The following GRM8 variants were observed in gnomAD, a reference collection of about 807,000 sequenced individuals.
The protein encoded by GRM8 is glutamate metabotropic receptor 8.
A neutral mutation model predicts 87.2 loss-of-function variants in GRM8; 47 were observed. That is an observed-to-expected ratio of 0.54 (90% confidence interval 0.43 to 0.69). The LOEUF is 0.69. Among genes scored for constraint, GRM8 ranks in the 30% least tolerant of loss-of-function variants. The pLI, the probability that GRM8 is intolerant of heterozygous loss-of-function variation, is 0.00. For synonymous variants in GRM8, 396 were observed against 404.5 expected (o/e 0.98, Z 0.25); for missense variants, 1,019 against 1,139.2 (o/e 0.89, Z 1.52).
chr7:126,620,186 G>A (rs1481263404), intron 7 of GRM8, among the ~76,000 whole-genome samples: 1 of 152,158 alleles, frequency 6.6e-6, no homozygotes, highest in Non-Finnish European at 1.5e-5. Context: ...TACTCAGGAG[G>A]CTGGGGTAGA....
intron 8 of GRM8, among the ~76,000 whole-genome samples, chr7:126,606,116 G>A (rs1798317792): frequency 6.6e-6 from 1 of 152,130 alleles, no homozygotes; most frequent in South Asian, 2.1e-4. Flanking sequence ...TGTTTTTTGA[G>A]TGCAGAGGGA....
At chr7:126,934,452 A>G (rs1215035118) in intron 3 of GRM8, among the ~76,000 whole-genome samples, 1 of 152,188 alleles carries the variant, frequency 6.6e-6, no homozygotes, top group Non-Finnish European at 1.5e-5. Flanking sequence ...AATACAAAAA[A>G]ATTGAAAGGC....
In GRM8 at chr7:127,205,563, G is replaced by C. The variant is rs1055613826; in HGVS notation, c.510+37132C>G. On this transcript the variant is annotated intron_variant, in intron 2 of 10. Transcript: ENST00000339582. ...GCCACATCTACAGGGCTACCACCAG[G>C]TCACTGACATAAGAGTCAGCATCTC... is the stretch of plus-strand genomic sequence containing the variant. Among the ~76,000 whole-genome samples, 54 of 152,070 alleles carry C rather than the reference G, an allele frequency of 3.6e-4. 1 individual carries two copies. Among genetic ancestry groups the C allele is most frequent in the African/African-American group, 1.2e-3 (49 of 41,400 alleles).
At chr7:126,652,203 T>C (rs1303742276) in intron 7 of GRM8, among the ~76,000 whole-genome samples, 6 of 152,260 alleles carry the variant, frequency 3.9e-5, no homozygotes, top group African/African-American at 1.4e-4. Context: ...TAAGTATCGT[T>C]AGCTTTATGT....
intron 7 of GRM8, among the ~76,000 whole-genome samples, chr7:126,677,746 A>C (rs1444239258): frequency 1.3e-5 from 2 of 152,228 alleles, no homozygotes; most frequent in Non-Finnish European, 1.5e-5. Context: ...TATTAGGTAC[A>C]ACATATACTA....
At chr7:126,819,441 A>G (rs188874429) in intron 6 of GRM8, among the ~76,000 whole-genome samples, 1 of 152,278 alleles carries the variant, frequency 6.6e-6, no homozygotes, top group African/African-American at 2.4e-5. Flanking sequence ...TGTTGTGTCT[A>G]TTGCCTCTCT....
intron 2 of GRM8, among the ~76,000 whole-genome samples, chr7:127,204,613 T>C (rs1292296687): frequency 6.6e-6 from 1 of 152,216 alleles, no homozygotes; most frequent in African/African-American, 2.4e-5. Context: ...TTCAGTTCTA[T>C]TGAGAAAACC....
intron 9 of GRM8, among the ~76,000 whole-genome samples, chr7:126,449,267 A>G (rs914101499): frequency 6.6e-6 from 1 of 151,814 alleles, no homozygotes; most frequent in African/African-American, 2.4e-5. Context: ...ATCTAAACCA[A>G]TCAATCTTCC....
chr7:126,686,701 TCA>T lies in GRM8; in HGVS notation c.1358-77205_1358-77204del, dbSNP rs1390287598. On this transcript the variant is annotated intron_variant, in intron 7 of 10. Coordinates refer to ENST00000339582, the MANE Select transcript of GRM8 (RefSeq NM_000845.3). ...TCACACTCACCACTCCACGCCTGAC[TCA>T]CAGTCTCCCTTGGAGGCATAGGATC... is the stretch of plus-strand genomic sequence containing the variant. 2.0e-5 allele frequency among the ~76,000 whole-genome samples: 3 copies of T among 152,236 alleles called. No individual in the cohort carries two copies. The East Asian group carries it at 5.8e-4, about 29-fold the overall frequency.
chr7:126,763,549 T>C (rs1817840618), intron 7 of GRM8, among the ~76,000 whole-genome samples: 1 of 150,604 alleles, frequency 6.6e-6, no homozygotes, highest in Non-Finnish European at 1.5e-5. Context: ...TGACTATTTC[T>C]ATTTGGTTTC....
intron 7 of GRM8, among the ~76,000 whole-genome samples, chr7:126,675,761 A>G (rs1028299339): frequency 6.6e-6 from 1 of 152,218 alleles, no homozygotes; most frequent in African/African-American, 2.4e-5. Flanking sequence ...AAAGCCATCT[A>G]TGACAAACCC....
intron 9 of GRM8, among the ~76,000 whole-genome samples, chr7:126,524,422 A>T (rs918568697): frequency 1.3e-5 from 2 of 152,150 alleles, no homozygotes; most frequent in South Asian, 4.1e-4. Context: ...ATGAGATCTG[A>T]TGTTCATTCT....
At chr7:126,930,481 G>C (rs1304644528) in intron 3 of GRM8, among the ~76,000 whole-genome samples, 1 of 152,206 alleles carries the variant, frequency 6.6e-6, no homozygotes, top group African/African-American at 2.4e-5. Flanking sequence ...CCTTCTGACT[G>C]TGATATGTTT....
rs541935811 is a variant in GRM8, at chr7:126,438,924, T to C, written c.*195A>G. The stretch of plus-strand genomic sequence containing the variant: ...TTTAGCTTGACACTCATTGGTTTTA[T>C]TGTATAAAACGGGTTTCTTCACTCC... On this transcript the variant is annotated 3_prime_UTR_variant, in exon 11 of 11. Transcript: ENST00000339582. 1.2e-5 allele frequency: 6 copies of C among 505,388 alleles called. No homozygotes were observed. The highest frequency in any genetic ancestry group is 1.2e-4 in the African/African-American group (6 of 51,798). 31.3% of individuals were successfully genotyped at this position (505,388 alleles called of 1,614,324 possible).
At position 126,932,685 on chromosome 7, in the gene GRM8, T is replaced by C. The variant is rs181201008; in HGVS notation, c.728-28002A>G. 5.3e-5 allele frequency among the ~76,000 whole-genome samples: 8 copies of C among 152,332 alleles called. No homozygotes were observed. In the East Asian group the frequency reaches 1.5e-3, roughly 29 times the overall value. On this transcript the variant is annotated intron_variant, in intron 3 of 10. Coordinates refer to ENST00000339582, the MANE Select transcript of GRM8 (RefSeq NM_000845.3). The stretch of plus-strand genomic sequence containing the variant: ...GTTTAATGAAATGAGTTAAGCACTT[T>C]CTTCTCTCCACTTTCTTGGAGAGGT...
chr7:127,173,647 G>C (rs927809149), intron 2 of GRM8, among the ~76,000 whole-genome samples: 3 of 152,150 alleles, frequency 2.0e-5, no homozygotes, highest in African/African-American at 7.2e-5. Flanking sequence ...TAGTATAAGT[G>C]GGTTGACTAC....
intron 7 of GRM8, among the ~76,000 whole-genome samples, chr7:126,722,176 C>A (rs1029000348): frequency 6.6e-6 from 1 of 152,130 alleles, no homozygotes; most frequent in African/African-American, 2.4e-5. Flanking sequence ...CTCCAGAACC[C>A]TGCATGAGGA....
intron 2 of GRM8, among the ~76,000 whole-genome samples, chr7:127,107,057 G>T (rs144850216): frequency 6.6e-6 from 1 of 152,144 alleles, no homozygotes; most frequent in Non-Finnish European, 1.5e-5. Flanking sequence ...GTGCAGAAAG[G>T]AGAGAAAAAT....
intron 6 of GRM8, among the ~76,000 whole-genome samples, chr7:126,790,646 C>A (rs139428747): frequency 2.6e-4 from 39 of 152,192 alleles, no homozygotes; most frequent in African/African-American, 8.2e-4. Flanking sequence ...TGTTTTCTTA[C>A]GGTCGTGCCA....
Sources: gnomAD v4.1 joint callset for allele counts (sites outside exome capture counted in the v4.1 genomes callset) on GRCh38, gnomAD v4.1.1 for gene constraint, MANE v1.5 for transcripts, NCBI Gene and HGNC (gene_info 2026-07-23, HGNC 2026-07-21) for gene names.